Variants in CEP44 observed in about 807,000 individuals in gnomAD.
The protein encoded by CEP44 is centrosomal protein 44.
In CEP44, 45 loss-of-function variants were observed where a neutral mutation model predicts 46.7. The ratio of observed to expected loss-of-function variants is 0.96; its 90% CI spans 0.76 to 1.24. The LOEUF (loss-of-function observed/expected upper bound fraction) is 1.24, where lower values mean the gene tolerates loss of function less well. Among genes scored for constraint, CEP44 ranks in the 50% most tolerant of loss-of-function variants. The probability of loss-of-function intolerance (pLI) is 0.00; values close to 1 mark genes in which losing one functional copy is unlikely to be tolerated. For synonymous variants in CEP44, 142 were observed against 146.0 expected (o/e 0.97, Z 0.20); for missense variants, 475 against 459.7 (o/e 1.03, Z -0.30).
rs1553669 is a variant in CEP44 at position 174,316,257 on chromosome 4, T to C, written c.1053T>C (p.Thr351=). 1,154,210 of 1,610,320 alleles carry C rather than the reference T, an allele frequency of 0.72. 416,234 individuals carry two copies. Among genetic ancestry groups the C allele is most frequent in the Non-Finnish European group, 0.74 (867,778 of 1,176,800 alleles). The change falls in exon 10 of 12, where the codon ACT becomes ACC. Residue 351 remains threonine (T), a synonymous_variant. Transcript: ENST00000503780. Reference sequence around the variant, plus strand: ...CAGATTCAACTCCCAGAGCCTCTACTGTTAATTACTGTGGTTTGAATGAGA... The same window carrying C: ...CAGATTCAACTCCCAGAGCCTCTACCGTTAATTACTGTGGTTTGAATGAGA... ...ASSDSTPRAS[T]VNYCGLNEIS...
intron 1 of CEP44, chr4:174,284,345 G>A (rs577901340): frequency 3.2e-6 from 1 of 308,274 alleles, no homozygotes; most frequent in South Asian, 1.6e-4. Flanking sequence ...TATCGTGGTA[G>A]CTCATCCTAT....
chr4:174,283,794 A>G, upstream of CEP44: 1 of 398,496 alleles, frequency 2.5e-6, no homozygotes. The surrounding 1 kb of genome is among the most constrained non-coding windows in gnomAD (Gnocchi z 6.7). Flanking sequence ...AAGATCAGAA[A>G]AACTTCTCAG....
In CEP44 at chr4:174,325,803, T is replaced by C. The variant is rs182045367; in HGVS notation, c.1087-5679T>C. On this transcript the variant is annotated intron_variant, in intron 8 of 8. Transcript: ENST00000426172. This position sits in a 1 kb window ranked among gnomAD's most constrained non-coding sequence, Gnocchi z 4.4. ...ATTTAGGACTGCTATTTCTTCATGA[T>C]AAAGAGACTTATTTCTTATTATGAG... Among the ~76,000 whole-genome samples the C allele has an allele frequency of 1.2e-4, 18 of 152,328 alleles. 1 individual carries two copies. The highest frequency in any genetic ancestry group is 7.2e-4 in the Admixed American group (11 of 15,292).
intron 6 of CEP44, among the ~76,000 whole-genome samples, chr4:174,305,369 G>A (rs535675093): frequency 2.6e-5 from 4 of 152,260 alleles, no homozygotes; most frequent in Admixed American, 2.6e-4. Context: ...CAGGAGAATC[G>A]CTTGAACCCT....
Position 174,310,726 on chromosome 4 carries a change from A to G in CEP44, c.886-57A>G. On this transcript the variant is annotated intron_variant, in intron 8 of 11. Transcript: ENST00000503780. This position sits in a 1 kb window ranked among gnomAD's most constrained non-coding sequence, Gnocchi z 4.2. The stretch of plus-strand genomic sequence containing the variant: ...ATTTTATGCTCAGCATTAAGAATAT[A>G]AAATGAGAGGGTTTTTCTTTTTATT... The G allele has an allele frequency of 1.2e-6, 1 of 831,054 alleles. No individual in the cohort carries two copies. The highest frequency in any genetic ancestry group is 1.5e-5 in the South Asian group (1 of 65,644). 51.5% of individuals were successfully genotyped at this position (831,054 alleles called of 1,614,324 possible). A position where few individuals can be genotyped will look rare whatever the true frequency, so the allele number is the denominator to read the frequency against.
In CEP44 at chr4:174,312,113, G is replaced by T. The variant is rs187034390; in HGVS notation, c.961+1255G>T. Among the ~76,000 whole-genome samples the T allele has an allele frequency of 2.2e-4, 33 of 152,068 alleles. No homozygotes were observed. The East Asian group carries it at 6.4e-3, about 29-fold the overall frequency. On this transcript the variant is annotated intron_variant, in intron 9 of 11. Coordinates refer to ENST00000503780, the MANE Select transcript of CEP44 (RefSeq NM_001040157.3). This position sits in a 1 kb window ranked among gnomAD's most constrained non-coding sequence, Gnocchi z 4.5. ...ATCACCAGTATTTGCATATAGTAGAGTTTAAATATTTATTCACTGAAAGAA... is the reference window on the plus strand; with the variant it reads ...ATCACCAGTATTTGCATATAGTAGATTTTAAATATTTATTCACTGAAAGAA...
In CEP44 at chr4:174,318,079, G is replaced by C. The variant is rs944085215; in HGVS notation, c.*696G>C. ...CTCTATTGTATAATTTTTTTGGAGGGGGGGATGGAGTTTCGCTGTTGTTGC... is the reference window on the plus strand; with the variant it reads ...CTCTATTGTATAATTTTTTTGGAGGCGGGGATGGAGTTTCGCTGTTGTTGC... On this transcript the variant is annotated 3_prime_UTR_variant, in exon 12 of 12. Coordinates refer to ENST00000503780, the MANE Select transcript of CEP44 (RefSeq NM_001040157.3). 3.0e-6 allele frequency: 3 copies of C among 984,882 alleles called. No individual in the cohort carries two copies. Among genetic ancestry groups the C allele is most frequent in the Admixed American group, 1.2e-4 (2 of 16,248 alleles). The allele number at this position is 984,882 out of a possible 1,614,324, so 61.0% of individuals were successfully genotyped here. A position where few individuals can be genotyped will look rare whatever the true frequency, so the allele number is the denominator to read the frequency against.
chr4:174,316,180 G>C lies in CEP44; in HGVS notation c.976G>C (p.Val326Leu). 1.9e-6 allele frequency: 3 copies of C among 1,612,778 alleles called. No homozygotes were observed. The South Asian group carries it at 3.3e-5, about 18-fold the overall frequency. ...DLLNPHRKSE[V>L]ERPASIPLSS... ...TTTCTTCACAGACAGAAAAAGCGAAGTAGAGAGGCCAGCAAGTATTCCTCT... is the reference window on the plus strand; with the variant it reads ...TTTCTTCACAGACAGAAAAAGCGAACTAGAGAGGCCAGCAAGTATTCCTCT... The change falls in exon 10 of 12, where the codon GTA becomes CTA. Residue 326 changes from valine to leucine, a missense_variant. Physicochemically the swap from Val to Leu is conservative, Grantham distance 32. Coordinates refer to ENST00000503780, the MANE Select transcript of CEP44 (RefSeq NM_001040157.3).
At chr4:174,313,822 C>T (rs1437067504) in intron 9 of CEP44, among the ~76,000 whole-genome samples, 1 of 151,912 alleles carries the variant, frequency 6.6e-6, no homozygotes, top group Non-Finnish European at 1.5e-5. Context: ...GTGTTTGGCT[C>T]ATGTGATTGG....
intron 1 of CEP44, among the ~76,000 whole-genome samples, chr4:174,295,744 G>T (rs970640405): frequency 5.3e-5 from 8 of 152,352 alleles, no homozygotes; most frequent in African/African-American, 1.9e-4. Flanking sequence ...CCGGCACCTC[G>T]GGAGGCCGAG....
chr4:174,320,655 T>C (rs1333547956), downstream of CEP44, among the ~76,000 whole-genome samples: 2 of 148,408 alleles, frequency 1.3e-5, no homozygotes, highest in Non-Finnish European at 3.0e-5. Context: ...TTGAAAGAAA[T>C]TCACTAGGGC....
chr4:174,296,418 T>A (rs1015826075), intron 1 of CEP44, among the ~76,000 whole-genome samples: 1 of 152,220 alleles, frequency 6.6e-6, no homozygotes, highest in South Asian at 2.1e-4. Context: ...TTCAGTTTGG[T>A]CCTCTAATTT....
intron 8 of CEP44, among the ~76,000 whole-genome samples, chr4:174,327,683 T>A (rs978489162): frequency 2.6e-5 from 4 of 152,098 alleles, no homozygotes; most frequent in African/African-American, 9.7e-5. Flanking sequence ...TTACTGACTG[T>A]AGTGGGGAAT....
chr4:174,324,098 G>A (rs35918158), downstream of CEP44, among the ~76,000 whole-genome samples: 39,474 of 152,000 alleles, frequency 0.26, 6,665 homozygotes, highest in Non-Finnish European at 0.38. Flanking sequence ...CCACTGATTT[G>A]CATTCCATCA....
At chr4:174,330,083 T>A (rs1253392130) in intron 8 of CEP44, among the ~76,000 whole-genome samples, 1 of 152,216 alleles carries the variant, frequency 6.6e-6, no homozygotes, top group Non-Finnish European at 1.5e-5. Flanking sequence ...ATTAAAATTT[T>A]CTTTAAAAGT....
intron 1 of CEP44, among the ~76,000 whole-genome samples, chr4:174,292,202 A>G (rs966142690): frequency 2.0e-5 from 3 of 152,082 alleles, no homozygotes; most frequent in Non-Finnish European, 2.9e-5. Context: ...CTGGCCTGCA[A>G]GTGTTCTGCT....
chr4:174,318,457 C>T lies in CEP44; in HGVS notation c.*1074C>T. 1 of 973,550 alleles carries T rather than the reference C, an allele frequency of 1.0e-6. No homozygotes were observed. Among genetic ancestry groups the T allele is most frequent in the Non-Finnish European group, 1.2e-6 (1 of 819,416 alleles). 60.3% of individuals were successfully genotyped at this position (973,550 alleles called of 1,614,324 possible). ...TTACACATTTTTTGGAGAGAAAAGT[C>T]TTAGCTGAAGGTAAATCAATGGAAA... On this transcript the variant is annotated 3_prime_UTR_variant, in exon 12 of 12. Coordinates refer to ENST00000503780, the MANE Select transcript of CEP44 (RefSeq NM_001040157.3).
chr4:174,301,751 A>G lies in CEP44; in HGVS notation c.90-288A>G, dbSNP rs771204794. Among the ~76,000 whole-genome samples the G allele has an allele frequency of 3.3e-5, 5 of 152,154 alleles. No homozygotes were observed. Among genetic ancestry groups the G allele is most frequent in the Non-Finnish European group, 5.9e-5 (4 of 68,000 alleles). On this transcript the variant is annotated intron_variant, in intron 3 of 11. Transcript: ENST00000503780. The surrounding 1 kb of genome is among the most constrained non-coding windows in gnomAD (Gnocchi z 4.3). ...TTTTATTAGTAGTAGAAAATGGAGT[A>G]GATCACGTAAGACTAAGCTTTGGAA...
intron 1 of CEP44, chr4:174,284,407 A>C (rs553111679): frequency 4.9e-6 from 1 of 202,730 alleles, no homozygotes; most frequent in Non-Finnish European, 9.8e-6. Flanking sequence ...ACTGATTCCT[A>C]TTGGATCCTC....
Sources: allele counts gnomAD v4.1 joint callset (sites outside exome capture counted in the v4.1 genomes callset), GRCh38; gene constraint gnomAD v4.1.1; non-coding constraint Gnocchi (gnomAD v3.1); transcripts MANE v1.5; gene names NCBI Gene and HGNC (gene_info 2026-07-23, HGNC 2026-07-21).